PBX1: variants seen among roughly 807,000 people sequenced by gnomAD.
The protein encoded by PBX1 is pre-B-cell leukemia transcription factor 1.
PBX1 carries 6 observed loss-of-function variants against 53.4 expected under a neutral mutation model. The ratio of observed to expected loss-of-function variants is 0.11; its 90% CI spans 0.06 to 0.22. The LOEUF is 0.22. Among genes scored for constraint, PBX1 ranks in the 10% least tolerant of loss-of-function variants. The probability of loss-of-function intolerance (pLI) is 1.00; values close to 1 mark genes in which losing one functional copy is unlikely to be tolerated. For missense variants in PBX1, 251 were observed against 551.4 expected (o/e 0.46, Z 5.46); for synonymous variants, 204 against 212.3 (o/e 0.96, Z 0.34).
intron 4 of PBX1, among the ~76,000 whole-genome samples, chr1:164,804,480 T>C (rs1476929702): frequency 6.6e-6 from 1 of 152,186 alleles, no homozygotes; most frequent in Admixed American, 6.5e-5. Context: ...AAAAATTAGC[T>C]CTCTGGTTAC....
chr1:164,877,723 T>C (rs1055496638), intron 2 of PBX1, among the ~76,000 whole-genome samples: 1 of 152,204 alleles, frequency 6.6e-6, no homozygotes, highest in Admixed American at 6.5e-5. Context: ...TCAACTTCAT[T>C]GAACATAATG....
chr1:164,563,207 C>A, intron 1 of PBX1, 31 bp from the exon 2 acceptor site: 1 of 1,524,226 alleles, frequency 6.6e-7, no homozygotes, highest in Non-Finnish European at 9.1e-7. Context: ...TGAGAGTCCA[C>A]CTAAGCTATC....
At chr1:164,819,479 C>T (rs1266711588) in intron 6 of PBX1, 2 of 152,166 alleles carry the variant, frequency 1.3e-5, no homozygotes, top group Non-Finnish European at 2.9e-5. Flanking sequence ...GCTGTTGCCA[C>T]CCTGCAAGAA....
At chr1:164,852,572 G>A (rs560314855), downstream of PBX1, among the ~76,000 whole-genome samples, 10 of 152,280 alleles carry the variant, frequency 6.6e-5, 1 homozygote, top group East Asian at 1.2e-3. Flanking sequence ...TTACTCTAGG[G>A]CCATCACATG....
rs574441174 is a variant in PBX1, at chr1:164,823,921, T to C, written c.1200+2295T>C. On this transcript the variant is annotated intron_variant, in intron 8 of 8. Transcript: ENST00000420696. Reference sequence around the variant, plus strand: ...CACCTGCAGGAGGCTAAGCTTGTTATAGTGAGATGTATTTTTAGATGGTGG... The same window carrying C: ...CACCTGCAGGAGGCTAAGCTTGTTACAGTGAGATGTATTTTTAGATGGTGG... Among the ~76,000 whole-genome samples the C allele has an allele frequency of 6.6e-5, 10 of 152,258 alleles. No individual in the cohort carries two copies. The South Asian group carries it at 8.3e-4, about 13-fold the overall frequency.
At chr1:164,757,496 A>G (rs892926350) in intron 2 of PBX1, among the ~76,000 whole-genome samples, 4 of 152,186 alleles carry the variant, frequency 2.6e-5, no homozygotes, top group South Asian at 2.1e-4. Context: ...ATGTTAAGTA[A>G]CAACCCCAAA....
At chr1:164,786,916 G>A (rs940382059) in intron 2 of PBX1, among the ~76,000 whole-genome samples, 1 of 152,094 alleles carries the variant, frequency 6.6e-6, no homozygotes, top group Admixed American at 6.5e-5. Flanking sequence ...TCGGTTATCT[G>A]CTATGTAAGT....
intron 3 of PBX1, among the ~76,000 whole-genome samples, chr1:164,793,789 GCTTTT>G (rs762261764): frequency 5.3e-5 from 8 of 149,758 alleles, no homozygotes; most frequent in African/African-American, 1.2e-4. Flanking sequence ...TGAATCATTA[GCTTTT>G]CTTTTCTTTT....
At chr1:164,735,392 C>T (rs1236347770) in intron 2 of PBX1, among the ~76,000 whole-genome samples, 1 of 152,022 alleles carries the variant, frequency 6.6e-6, no homozygotes, top group Non-Finnish European at 1.5e-5. Context: ...TGTATGTGCT[C>T]CATGAGTACA....
chr1:164,743,904 AGCTGCGAGGGAG>A (rs1203227361), intron 2 of PBX1, among the ~76,000 whole-genome samples: 5 of 152,214 alleles, frequency 3.3e-5, no homozygotes, highest in African/African-American at 1.2e-4. Context: ...GGCTACTCCT[AGCTGCGAGGGAG>A]GCTAAGAAAT....
At chr1:164,796,135 A>G (rs1668774821) in intron 3 of PBX1, among the ~76,000 whole-genome samples, 1 of 150,822 alleles carries the variant, frequency 6.6e-6, no homozygotes, top group Admixed American at 6.6e-5. Context: ...TCAACCACCC[A>G]AGCAGCTGGG....
At chr1:164,675,499 G>A (rs764532599) in intron 2 of PBX1, among the ~76,000 whole-genome samples, 9 of 152,124 alleles carry the variant, frequency 5.9e-5, no homozygotes, top group African/African-American at 9.7e-5. Flanking sequence ...CCACCTCCCT[G>A]CCTAGCACCG....
intron 4 of PBX1, among the ~76,000 whole-genome samples, chr1:164,807,234 G>T (rs1261722872): frequency 6.6e-6 from 1 of 152,150 alleles, no homozygotes; most frequent in East Asian, 1.9e-4. Context: ...TCCAGCCTGG[G>T]TGACAGAGTG....
At chr1:164,681,770 C>T (rs756023759) in intron 2 of PBX1, among the ~76,000 whole-genome samples, 9 of 152,108 alleles carry the variant, frequency 5.9e-5, no homozygotes, top group Non-Finnish European at 1.2e-4. Context: ...ACACCCATCC[C>T]CCATGACATG....
chr1:164,574,475 C>CCAAA (rs1341163349), intron 2 of PBX1, among the ~76,000 whole-genome samples: 2 of 152,298 alleles, frequency 1.3e-5, no homozygotes, highest in African/African-American at 4.8e-5. Flanking sequence ...ATGATCCCTG[C>CCAAA]CAAAGCTTAG....
At chr1:164,609,555 G>T (rs1218401524) in intron 2 of PBX1, among the ~76,000 whole-genome samples, 1 of 151,970 alleles carries the variant, frequency 6.6e-6, no homozygotes, top group Admixed American at 6.6e-5. Flanking sequence ...CTCTCCTCAG[G>T]CTCCTTGAGG....
chr1:164,590,756 C>G (rs1341266234), intron 2 of PBX1, among the ~76,000 whole-genome samples: 1 of 151,952 alleles, frequency 6.6e-6, no homozygotes, highest in African/African-American at 2.4e-5. Flanking sequence ...AAATAAAGAG[C>G]AAAGTCTGCT....
At position 164,773,243 on chromosome 1, in the gene PBX1, G is replaced by GCACACACA. The variant is rs60518864; in HGVS notation, c.266-19228_266-19221dup. Among the ~76,000 whole-genome samples, 23 of 147,782 alleles carry GCACACACA rather than the reference G, an allele frequency of 1.6e-4. 1 individual carries two copies. The highest frequency in any genetic ancestry group is 1.4e-3 in the East Asian group (7 of 4,906). ...CAGCTCTTGCATATAGGTAACACGC[G>GCACACACA]CACACACACACACACACACACACAC... is the stretch of plus-strand genomic sequence containing the variant. On this transcript the variant is annotated intron_variant, in intron 2 of 8. Transcript: ENST00000420696.
chr1:164,777,461 G>A (rs1050662758), intron 2 of PBX1, among the ~76,000 whole-genome samples: 3 of 152,094 alleles, frequency 2.0e-5, no homozygotes, highest in Non-Finnish European at 4.4e-5. Flanking sequence ...TTTAAGGGTC[G>A]AGAGATGAAC....
Sources: allele counts gnomAD v4.1 joint callset (sites outside exome capture counted in the v4.1 genomes callset), GRCh38; gene constraint gnomAD v4.1.1; transcripts MANE v1.5; gene names NCBI Gene and HGNC (gene_info 2026-07-23, HGNC 2026-07-21).